Variants in FSTL1 observed in about 807,000 individuals in gnomAD.
The protein encoded by FSTL1 is follistatin like 1.
A neutral mutation model predicts 45.9 loss-of-function variants in FSTL1; 24 were observed. The observed-to-expected ratio is 0.52, with a 90% CI of 0.38 to 0.74. The LOEUF is 0.74. Among genes scored for constraint, FSTL1 ranks in the 30% least tolerant of loss-of-function variants. The pLI is 0.00. For synonymous variants in FSTL1, 120 were observed against 137.6 expected, an observed-to-expected ratio of 0.87 and a Z score of 0.89; for missense variants, 340 against 381.8, an observed-to-expected ratio of 0.89 and a Z score of 0.91.
intron 2 of FSTL1, among the ~76,000 whole-genome samples, chr3:120,424,352 C>T (rs1018318816): frequency 6.6e-6 from 1 of 152,236 alleles, no homozygotes; most frequent in East Asian, 1.9e-4. Flanking sequence ...TGGCTGCCCC[C>T]ACCACAGGAG....
rs1211825867 is a variant in FSTL1 at position 120,393,336 on chromosome 3, G to A, written c.*3616C>T. The A allele has an allele frequency of 1.3e-5, 2 of 152,132 alleles. No homozygotes were observed. Among genetic ancestry groups the A allele is most frequent in the African/African-American group, 4.8e-5 (2 of 41,404 alleles). The allele number at this position is 152,132 out of a possible 1,614,324, so 9.4% of individuals were successfully genotyped here. A position where few individuals can be genotyped will look rare whatever the true frequency, so the allele number is the denominator to read the frequency against. On this transcript the variant is annotated 3_prime_UTR_variant, in exon 11 of 11. Transcript: ENST00000295633. ...TCATTGACTATAATATGCTCTTTTG[G>A]GAGGCAGAATTATTGTGGGTGGAGA...
chr3:120,444,972 T>C (rs1009367887), intron 2 of FSTL1, among the ~76,000 whole-genome samples: 1 of 149,946 alleles, frequency 6.7e-6, no homozygotes, highest in African/African-American at 2.5e-5. Flanking sequence ...ATGTAGTCAA[T>C]GTTAAGTTTT....
chr3:120,397,830 C>T (rs917767601), intron 10 of FSTL1, among the ~76,000 whole-genome samples: 1 of 152,194 alleles, frequency 6.6e-6, no homozygotes, highest in African/African-American at 2.4e-5. Flanking sequence ...CTTTATTTAT[C>T]AGAGCCCCCA....
intron 2 of FSTL1, among the ~76,000 whole-genome samples, chr3:120,432,670 T>G (rs1208933742): frequency 6.6e-6 from 1 of 152,246 alleles, no homozygotes; most frequent in Non-Finnish European, 1.5e-5. Flanking sequence ...AGCTCTGGTA[T>G]CCTTCATTTT....
chr3:120,415,974 G>A lies in FSTL1; in HGVS notation c.117C>T (p.Gly39=). Residue 39 remains glycine, a synonymous_variant, in exon 3 of 11, where the codon GGC becomes GGT. Coordinates refer to ENST00000295633, the MANE Select transcript of FSTL1 (RefSeq NM_007085.5). ...KICANVFCGA[G]RECAVTEKGE... is the part of the protein sequence containing the mutation. ...CTTTCTCTGTGACTGCACATTCCCG[G>A]CCGGCTCCACAAAACACATTGGCAC... 6.2e-7 allele frequency: 1 copy of A among 1,613,944 alleles called. No homozygotes were observed. The highest frequency in any genetic ancestry group is 8.5e-7 in the Non-Finnish European group (1 of 1,179,846).
Position 120,409,657 on chromosome 3 carries a change from AAAC to A in FSTL1, c.334_336del (p.Val112del). ...AGCTCATCACGGTTGGACTGATAGC[AAAC>A]AACTGCAGGAAAGTGGAGGATGTCA... On this transcript the variant is annotated inframe_deletion and splice_region_variant, in exon 6 of 11. Transcript: ENST00000295633. 1.9e-6 allele frequency: 3 copies of A among 1,614,050 alleles called. No homozygotes were observed. The highest frequency in any genetic ancestry group is 2.5e-6 in the Non-Finnish European group (3 of 1,179,938).
intron 9 of FSTL1, 114 bp downstream of exon 9, chr3:120,402,694 C>T: frequency 1.4e-6 from 1 of 721,802 alleles, no homozygotes; most frequent in East Asian, 2.6e-5. Context: ...TGCCTGGGTT[C>T]CTTGCTCCCA....
chr3:120,402,351 GA>G (rs1367228887), intron 9 of FSTL1, among the ~76,000 whole-genome samples: 1 of 152,118 alleles, frequency 6.6e-6, no homozygotes, highest in Admixed American at 6.5e-5. Context: ...AAAGTGCTTA[GA>G]AGAGAGCCTG....
At chr3:120,428,101 G>A (rs1224326833) in intron 2 of FSTL1, among the ~76,000 whole-genome samples, 2 of 152,050 alleles carry the variant, frequency 1.3e-5, no homozygotes, top group Non-Finnish European at 2.9e-5. Flanking sequence ...TTCTAGACCA[G>A]GAAAAAAGCT....
intron 2 of FSTL1, among the ~76,000 whole-genome samples, chr3:120,430,906 C>T (rs1216664342): frequency 6.6e-6 from 1 of 152,226 alleles, no homozygotes; most frequent in Non-Finnish European, 1.5e-5. Flanking sequence ...TAAGTGACAA[C>T]TGTCTAGAGC....
In FSTL1 at chr3:120,392,563, A is replaced by G. The variant is rs1936614069; in HGVS notation, c.*4389T>C. On this transcript the variant is annotated 3_prime_UTR_variant, in exon 11 of 11. Transcript: ENST00000295633. ...TTTTATTCACTGTATTTTCTGTGAT[A>G]CAATTTGGATTTTTACCATGTACAC... is the stretch of plus-strand genomic sequence containing the variant. 1 of 152,232 alleles carries G rather than the reference A, an allele frequency of 6.6e-6. No individual in the cohort carries two copies. The highest frequency in any genetic ancestry group is 6.5e-5 in the Admixed American group (1 of 15,276). The allele number at this position is 152,232 out of a possible 1,614,324, so 9.4% of individuals were successfully genotyped here.
intron 2 of FSTL1, among the ~76,000 whole-genome samples, chr3:120,443,615 C>A (rs1217542833): frequency 1.3e-5 from 2 of 149,884 alleles, no homozygotes; most frequent in Non-Finnish European, 2.9e-5. Context: ...CCATGACACA[C>A]ACACACACAT....
chr3:120,413,460 G>A (rs950263949), intron 3 of FSTL1, among the ~76,000 whole-genome samples: 2 of 152,052 alleles, frequency 1.3e-5, no homozygotes, highest in Non-Finnish European at 2.9e-5. Flanking sequence ...CCAGGCTTAT[G>A]CCACCACACT....
At chr3:120,422,626 T>TAA (rs1251718700) in intron 2 of FSTL1, among the ~76,000 whole-genome samples, 1 of 152,166 alleles carries the variant, frequency 6.6e-6, no homozygotes, top group Non-Finnish European at 1.5e-5. Context: ...GACATCCAGA[T>TAA]AAGAGATATA....
At chr3:120,450,545 T>C in intron 2 of FSTL1, 139 bp downstream of exon 2, 2 of 516,060 alleles carry the variant, frequency 3.9e-6, no homozygotes, top group Non-Finnish European at 6.7e-6. Flanking sequence ...CTGCCCCAGC[T>C]CCACCCCAGC....
At chr3:120,430,357 T>G (rs1375013517) in intron 2 of FSTL1, among the ~76,000 whole-genome samples, 1 of 152,326 alleles carries the variant, frequency 6.6e-6, no homozygotes, top group Non-Finnish European at 1.5e-5. Context: ...CCTAATTTAT[T>G]GCACCTATTA....
At chr3:120,431,545 G>A (rs1047031050) in intron 2 of FSTL1, among the ~76,000 whole-genome samples, 2 of 152,114 alleles carry the variant, frequency 1.3e-5, no homozygotes, top group Admixed American at 1.3e-4. Context: ...AGTTATGGCT[G>A]GATGCGGTGG....
At chr3:120,432,720 T>A (rs945584124) in intron 2 of FSTL1, among the ~76,000 whole-genome samples, 1 of 152,230 alleles carries the variant, frequency 6.6e-6, no homozygotes, top group African/African-American at 2.4e-5. Flanking sequence ...TATTTAACTG[T>A]TTGGGGTCAC....
At chr3:120,398,198 T>C (rs929388280) in intron 10 of FSTL1, among the ~76,000 whole-genome samples, 1 of 152,226 alleles carries the variant, frequency 6.6e-6, no homozygotes, top group Non-Finnish European at 1.5e-5. Flanking sequence ...ATCTTAGGAA[T>C]ATACACTTTA....
Sources: gnomAD v4.1 joint callset for allele counts (sites outside exome capture counted in the v4.1 genomes callset) on GRCh38, gnomAD v4.1.1 for gene constraint, MANE v1.5 for transcripts, NCBI Gene and HGNC (gene_info 2026-07-23, HGNC 2026-07-21) for gene names.